The following PTPRN2 variants were observed in gnomAD, a reference collection of about 807,000 sequenced individuals.
PTPRN2 encodes the protein protein tyrosine phosphatase receptor type N2.
A neutral mutation model predicts 118.8 loss-of-function variants in PTPRN2; 74 were observed. That is an observed-to-expected ratio of 0.62 (90% CI 0.52 to 0.76). The LOEUF is 0.76. PTPRN2 is among the 30% of genes least tolerant of loss of function. The pLI, the probability that PTPRN2 is intolerant of heterozygous loss-of-function variation, is 0.00. For missense variants in PTPRN2, 1,481 were observed against 1,394.4 expected (o/e 1.06, Z -0.99); for synonymous variants, 641 against 608.0 (o/e 1.05, Z -0.80).
At chr7:158,470,741 G>A (rs571366106) in intron 2 of PTPRN2, among the ~76,000 whole-genome samples, 13 of 152,302 alleles carry the variant, frequency 8.5e-5, no homozygotes, top group African/African-American at 2.4e-4. Flanking sequence ...AGCATTCACC[G>A]AGGTGGAGAA....
chr7:157,621,577 G>A (rs1283862410), intron 14 of PTPRN2, 68 bp from the exon 15 acceptor site: 1 of 1,587,336 alleles, frequency 6.3e-7, no homozygotes, highest in Non-Finnish European at 8.5e-7. Context: ...TGCACAAAAG[G>A]CAGCGGAGGC....
intron 12 of PTPRN2, among the ~76,000 whole-genome samples, chr7:157,697,271 A>G (rs1333352207): frequency 7.1e-6 from 1 of 141,000 alleles, no homozygotes; most frequent in Non-Finnish European, 1.5e-5. Context: ...GTCTTGGCAG[A>G]TTCCTCACCA....
At chr7:158,074,269 G>A (rs541724648) in intron 11 of PTPRN2, among the ~76,000 whole-genome samples, 47 of 152,270 alleles carry the variant, frequency 3.1e-4, no homozygotes, top group African/African-American at 1.1e-3. Context: ...TCCTGCCGAC[G>A]ATCCCTCTGC....
At chr7:158,512,597 T>C (rs1823259557) in intron 1 of PTPRN2, among the ~76,000 whole-genome samples, 1 of 152,154 alleles carries the variant, frequency 6.6e-6, no homozygotes. Flanking sequence ...CTCCGTCAGC[T>C]GACATGTCCT....
intron 3 of PTPRN2, among the ~76,000 whole-genome samples, chr7:158,253,184 C>T (rs1796797341): frequency 6.6e-6 from 1 of 152,202 alleles, no homozygotes; most frequent in Non-Finnish European, 1.5e-5. Context: ...GGCAGATCCA[C>T]CAGATCTACC....
chr7:157,620,317 A>C (rs2150634225), intron 15 of PTPRN2, among the ~76,000 whole-genome samples: 1 of 152,294 alleles, frequency 6.6e-6, no homozygotes, highest in South Asian at 2.1e-4. Context: ...TAAGCAGCTT[A>C]GTGCCTCCCG....
chr7:158,549,535 G>A (rs1382894858), intron 1 of PTPRN2, among the ~76,000 whole-genome samples: 1 of 152,266 alleles, frequency 6.6e-6, no homozygotes, highest in African/African-American at 2.4e-5. Flanking sequence ...GGTTCTGCTG[G>A]CTTTGTCTTC....
chr7:157,721,068 C>T (rs896862668), intron 12 of PTPRN2, among the ~76,000 whole-genome samples: 12 of 152,146 alleles, frequency 7.9e-5, no homozygotes, highest in African/African-American at 1.9e-4. Context: ...AGGATGCAGC[C>T]GTGGTGTGTG....
chr7:158,537,688 G>T (rs953430543), intron 1 of PTPRN2: 1 of 152,410 alleles, frequency 6.6e-6, no homozygotes, highest in Non-Finnish European at 1.5e-5. Flanking sequence ...TGGGCACCCC[G>T]CAGAGCACCC....
intron 12 of PTPRN2, among the ~76,000 whole-genome samples, chr7:157,805,989 C>T (rs1228734879): frequency 6.6e-6 from 1 of 152,156 alleles, no homozygotes; most frequent in Non-Finnish European, 1.5e-5. Flanking sequence ...GTGCCAGCTG[C>T]TGATGCTGAG....
intron 11 of PTPRN2, among the ~76,000 whole-genome samples, chr7:157,927,322 C>G (rs372506105): frequency 0.033 from 1,353 of 40,558 alleles, 49 homozygotes; most frequent in African/African-American, 0.071. Flanking sequence ...TCTGGGACCC[C>G]AAGACAGGAA....
intron 1 of PTPRN2, among the ~76,000 whole-genome samples, chr7:158,506,935 G>A (rs1822792550): frequency 1.3e-5 from 2 of 152,220 alleles, no homozygotes; most frequent in African/African-American, 4.8e-5. Context: ...CAATCATGAA[G>A]GACACCGCTC....
chr7:157,745,998 T>C (rs1339363734), intron 12 of PTPRN2, among the ~76,000 whole-genome samples: 10 of 117,908 alleles, frequency 8.5e-5, no homozygotes, highest in South Asian at 5.8e-4. Context: ...GGGCCCTGAG[T>C]GTGGAGATCA....
chr7:158,311,437 G>A (rs1158457768), intron 3 of PTPRN2, among the ~76,000 whole-genome samples: 1 of 152,096 alleles, frequency 6.6e-6, no homozygotes, highest in Non-Finnish European at 1.5e-5. Context: ...AATTTTAATG[G>A]CTTGTCAGAA....
chr7:158,121,525 T>C (rs1480348306), intron 9 of PTPRN2, among the ~76,000 whole-genome samples: 4 of 152,170 alleles, frequency 2.6e-5, no homozygotes, highest in Admixed American at 2.0e-4. Context: ...TCCCAATCAA[T>C]GTTTGCTACC....
At chr7:158,138,848 T>C (rs1199979170) in intron 6 of PTPRN2, among the ~76,000 whole-genome samples, 1 of 152,086 alleles carries the variant, frequency 6.6e-6, no homozygotes, top group African/African-American at 2.4e-5. Context: ...CTAGGCAACT[T>C]CACCATGTCC....
At chr7:157,601,786 G>A (rs1457018191) in intron 16 of PTPRN2, among the ~76,000 whole-genome samples, 2 of 152,332 alleles carry the variant, frequency 1.3e-5, no homozygotes, top group Non-Finnish European at 2.9e-5. Context: ...CTGAACTCTC[G>A]TCTTTTAGGC....
chr7:158,259,738 T>C (rs534809870), intron 3 of PTPRN2, among the ~76,000 whole-genome samples: 9 of 148,730 alleles, frequency 6.1e-5, no homozygotes, highest in African/African-American at 1.5e-4. Context: ...TGTGTGTCCA[T>C]GTGTCCATGA....
chr7:158,346,255 CCT>C (rs1269611111), intron 2 of PTPRN2, among the ~76,000 whole-genome samples: 2 of 152,286 alleles, frequency 1.3e-5, no homozygotes, highest in Admixed American at 6.5e-5. Flanking sequence ...AAAAATTGCC[CCT>C]GAGATTTGTG....
Sources: allele counts gnomAD v4.1 joint callset (sites outside exome capture counted in the v4.1 genomes callset), GRCh38; gene constraint gnomAD v4.1.1; transcripts MANE v1.5; gene names NCBI Gene and HGNC (gene_info 2026-07-23, HGNC 2026-07-21).